The following DEAF1 variants were observed in gnomAD, a reference collection of about 807,000 sequenced individuals.
DEAF1 encodes the protein DEAF1 transcription factor, also known as deformed epidermal autoregulatory factor 1 homolog.
Under a neutral mutation model 58.9 loss-of-function variants are expected in DEAF1, and 53 were observed. The observed-to-expected ratio is 0.90, with a 90% CI of 0.72 to 1.13. The LOEUF (loss-of-function observed/expected upper bound fraction) is 1.13, where lower values mean the gene tolerates loss of function less well. Ranked by LOEUF, DEAF1 falls within the 50% of genes most tolerant of loss-of-function variation. The pLI is 0.00. For missense variants in DEAF1, 685 were observed against 791.4 expected (o/e 0.87, Z 1.61); for synonymous variants, 385 against 340.4 (o/e 1.13, Z -1.44).
intron 5 of DEAF1, 92 bp from the exon 6 acceptor site, chr11:685,055 T>C: frequency 1.2e-6 from 1 of 844,164 alleles, no homozygotes; most frequent in South Asian, 1.5e-5. Context: ...TTTTACCACT[T>C]ACCTACCATT....
rs575533385 is a variant in DEAF1, at chr11:644,463, C to T, written c.*87G>A. The T allele has an allele frequency of 6.2e-6, 6 of 970,172 alleles. No homozygotes were observed. The highest frequency in any genetic ancestry group is 4.8e-5 in the African/African-American group (3 of 62,324). The allele number at this position is 970,172 out of a possible 1,614,324, so 60.1% of individuals were successfully genotyped here. On this transcript the variant is annotated 3_prime_UTR_variant, in exon 12 of 12. Coordinates refer to ENST00000382409, the MANE Select transcript of DEAF1 (RefSeq NM_021008.4). This position sits in a 1 kb window ranked among gnomAD's most constrained non-coding sequence, Gnocchi z 4.3. ...TTCCCACACCCCTCTTCTCAACGTC[C>T]CCCCAGAGTCCTCAGGGGGGCCTTC...
chr11:700,275 C>T (rs1279067344), intron 1 of DEAF1: 2 of 1,575,970 alleles, frequency 1.3e-6, no homozygotes, highest in Non-Finnish European at 1.7e-6. Context: ...GCCTGTAATC[C>T]CAACATTTTG....
chr11:703,242 G>A, intron 1 of DEAF1: 1 of 1,464,888 alleles, frequency 6.8e-7, no homozygotes, highest in Non-Finnish European at 9.1e-7. Context: ...GACAGGAAGG[G>A]CACTTTTCCT....
At chr11:675,837 A>G (rs1860023150) in intron 9 of DEAF1, among the ~76,000 whole-genome samples, 1 of 151,860 alleles carries the variant, frequency 6.6e-6, no homozygotes, top group African/African-American at 2.4e-5. Flanking sequence ...AAAAGAAAAG[A>G]AAACTCTCAC....
At chr11:692,153 C>T (rs1860864084) in intron 1 of DEAF1, 1 of 207,568 alleles carries the variant, frequency 4.8e-6, no homozygotes, top group Admixed American at 5.2e-5. Context: ...CTGCCTATGT[C>T]CCTTGGTGCC....
At chr11:693,217 T>C (rs1376763484) in intron 1 of DEAF1, among the ~76,000 whole-genome samples, 2 of 152,210 alleles carry the variant, frequency 1.3e-5, no homozygotes, top group East Asian at 3.8e-4. Context: ...CTTTTATGCA[T>C]TCAGAAAAAT....
intron 10 of DEAF1, among the ~76,000 whole-genome samples, chr11:656,357 T>A (rs541717200): frequency 9.2e-5 from 14 of 152,166 alleles, no homozygotes; most frequent in African/African-American, 3.4e-4. Context: ...GGTTTTGCCC[T>A]GTTGGCCAGG....
chr11:655,616 C>G (rs145811476), intron 10 of DEAF1, among the ~76,000 whole-genome samples: 511 of 152,144 alleles, frequency 3.4e-3, no homozygotes, highest in Non-Finnish European at 6.0e-3. Context: ...GGAAACGACT[C>G]CAGCGCGGCC....
At chr11:665,442 T>C (rs1376353117) in intron 10 of DEAF1, among the ~76,000 whole-genome samples, 1 of 152,188 alleles carries the variant, frequency 6.6e-6, no homozygotes, top group Non-Finnish European at 1.5e-5. Flanking sequence ...CTTCCTGACA[T>C]TTCTTCTAAC....
intron 11 of DEAF1, among the ~76,000 whole-genome samples, chr11:650,169 GT>G (rs1330408693): frequency 6.6e-6 from 1 of 151,920 alleles, no homozygotes; most frequent in Non-Finnish European, 1.5e-5. Flanking sequence ...GAGGTCAGGA[GT>G]TTGAGACCAG....
rs1859960643 is a variant in DEAF1, at chr11:674,295, T to G, written c.1503+241A>C. The G allele has an allele frequency of 2.7e-5, 15 of 551,288 alleles. No individual in the cohort carries two copies. In the South Asian group the frequency reaches 3.0e-4, roughly 11 times the overall value. 34.1% of individuals were successfully genotyped at this position (551,288 alleles called of 1,614,324 possible). A position where few individuals can be genotyped will look rare whatever the true frequency, so the allele number is the denominator to read the frequency against. On this transcript the variant is annotated intron_variant, in intron 10 of 11. Transcript: ENST00000382409. Reference sequence around the variant, plus strand: ...ACAACGGCCGATGCGCACAAAATTGTTTCCCTTTCTGAAACAAAGCAACCT... The same window carrying G: ...ACAACGGCCGATGCGCACAAAATTGGTTCCCTTTCTGAAACAAAGCAACCT...
intron 7 of DEAF1, among the ~76,000 whole-genome samples, chr11:680,656 G>A (rs559668645): frequency 2.0e-5 from 3 of 152,216 alleles, no homozygotes; most frequent in South Asian, 2.1e-4. Flanking sequence ...CACCAAGGAC[G>A]CCCTTGTCAG....
chr11:697,003 C>CGGT (rs1224992932), upstream of DEAF1, among the ~76,000 whole-genome samples: 1 of 120,102 alleles, frequency 8.3e-6, no homozygotes, highest in African/African-American at 3.2e-5. Context: ...TGCTCGAACC[C>CGGT]GGTGGTGGTG....
rs576045088 is a variant in DEAF1, at chr11:656,865, C to CT, written c.1504-2815dup. Among the ~76,000 whole-genome samples the CT allele has an allele frequency of 3.0e-3, 436 of 147,114 alleles. 2 individuals carry two copies. Among genetic ancestry groups the CT allele is most frequent in the African/African-American group, 7.4e-3 (298 of 40,124 alleles). On this transcript the variant is annotated intron_variant, in intron 10 of 11. Coordinates refer to ENST00000382409, the MANE Select transcript of DEAF1 (RefSeq NM_021008.4). Reference sequence around the variant, plus strand: ...CTTTCGCGGTATGCCCTTTGCAAAACTTTTTTTTTTTTTTAAACTGAAAAA... The same window carrying CT: ...CTTTCGCGGTATGCCCTTTGCAAAACTTTTTTTTTTTTTTTAAACTGAAAAA...
upstream of DEAF1, among the ~76,000 whole-genome samples, chr11:697,123 G>C (rs73407131): frequency 0.01 from 1,455 of 139,692 alleles, 23 homozygotes; most frequent in African/African-American, 0.037. Flanking sequence ...AATTACCTCA[G>C]GGAGCCTGTG....
chr11:675,439 G>A (rs1860008485), intron 9 of DEAF1, among the ~76,000 whole-genome samples: 1 of 152,178 alleles, frequency 6.6e-6, no homozygotes, highest in Non-Finnish European at 1.5e-5. Context: ...TGAGGCGGGA[G>A]GATGGTTTGA....
intron 10 of DEAF1, among the ~76,000 whole-genome samples, chr11:661,077 C>G (rs1438741920): frequency 6.6e-6 from 1 of 152,164 alleles, no homozygotes; most frequent in Non-Finnish European, 1.5e-5. Flanking sequence ...CTGTGCTGTA[C>G]TATATTTAAC....
intron 2 of DEAF1, among the ~76,000 whole-genome samples, chr11:690,380 G>T: frequency 8.1e-6 from 1 of 123,748 alleles, no homozygotes; most frequent in Non-Finnish European, 1.7e-5. Context: ...GCAGGGGAGG[G>T]GGTTTCCAAG....
chr11:703,088 C>G, intron 1 of DEAF1: 1 of 1,612,178 alleles, frequency 6.2e-7, no homozygotes, highest in Non-Finnish European at 8.5e-7. Context: ...CGCCACGCTC[C>G]TGGCCCTTCA....
Sources: allele counts gnomAD v4.1 joint callset (sites outside exome capture counted in the v4.1 genomes callset), GRCh38; gene constraint gnomAD v4.1.1; non-coding constraint Gnocchi (gnomAD v3.1); transcripts MANE v1.5; gene names NCBI Gene and HGNC (gene_info 2026-07-23, HGNC 2026-07-21).